Variants in ZNF502 observed in about 807,000 individuals in gnomAD.
ZNF502 encodes the protein zinc finger protein 502.
In ZNF502, 29 loss-of-function variants were observed where a neutral mutation model predicts 43.6. The observed-to-expected ratio is 0.67, with a 90% CI of 0.50 to 0.91. The LOEUF is 0.91. Among genes scored for constraint, ZNF502 ranks in the 40% least tolerant of loss-of-function variants. ZNF502 has a pLI of 0.00. For missense variants in ZNF502, 591 were observed against 647.2 expected (o/e 0.91, Z 0.94); for synonymous variants, 171 against 207.4 (o/e 0.82, Z 1.51).
At chr3:44,714,868 G>A (rs1704104028) in intron 1 of ZNF502, among the ~76,000 whole-genome samples, 1 of 152,216 alleles carries the variant, frequency 6.6e-6, no homozygotes, top group African/African-American at 2.4e-5. Context: ...AGCCTGTCAT[G>A]TAGGCCCACT....
rs748040556 is a variant in ZNF502 at position 44,722,526 on chromosome 3, A to G, written c.*74A>G. 49 of 1,516,344 alleles carry G rather than the reference A, an allele frequency of 3.2e-5. No individual in the cohort carries two copies. Among genetic ancestry groups the G allele is most frequent in the Non-Finnish European group, 4.2e-5 (48 of 1,136,834 alleles). The allele number at this position is 1,516,344 out of a possible 1,614,324, so 93.9% of individuals were successfully genotyped here. A position where few individuals can be genotyped will look rare whatever the true frequency, so the allele number is the denominator to read the frequency against. On this transcript the variant is annotated 3_prime_UTR_variant, in exon 3 of 3. Transcript: ENST00000436624. The stretch of plus-strand genomic sequence containing the variant: ...TCTGACTGGGAGTAGAGGGGCAGGT[A>G]GAGTTCCTGGAGGGAAGGATGAAGG...
At position 44,722,615 on chromosome 3, in the gene ZNF502, C is replaced by A; in HGVS notation, c.*163C>A. The A allele has an allele frequency of 1.1e-6, 1 of 916,748 alleles. No homozygotes were observed. Among genetic ancestry groups the A allele is most frequent in the South Asian group, 1.9e-5 (1 of 53,678 alleles). The allele number at this position is 916,748 out of a possible 1,614,324, so 56.8% of individuals were successfully genotyped here. A position where few individuals can be genotyped will look rare whatever the true frequency, so the allele number is the denominator to read the frequency against. On this transcript the variant is annotated 3_prime_UTR_variant, in exon 3 of 3. Coordinates refer to ENST00000436624, the MANE Select transcript of ZNF502 (RefSeq NM_001134442.3). ...AATGGAGGTGGGAGCTTAGGGAATG[C>A]AGAGCCTACTTGAGGTGGGCATCTG...
chr3:44,714,054 C>G (rs1263682267), intron 1 of ZNF502, among the ~76,000 whole-genome samples: 3 of 152,210 alleles, frequency 2.0e-5, no homozygotes, highest in Admixed American at 6.5e-5. Context: ...GAGAGGAGTA[C>G]ATTTCAATGT....
At chr3:44,713,220 T>G (rs747174554) in intron 1 of ZNF502, among the ~76,000 whole-genome samples, 3 of 152,210 alleles carry the variant, frequency 2.0e-5, no homozygotes, top group Admixed American at 6.5e-5. Context: ...CAGAAATCTC[T>G]AAAGTACTGT....
In ZNF502 at chr3:44,721,056, AAGG is replaced by A. The variant is rs1704306947; in HGVS notation, c.243_245del (p.Gly82del). On this transcript the variant is annotated inframe_deletion, in exon 3 of 3. Coordinates refer to ENST00000436624, the MANE Select transcript of ZNF502 (RefSeq NM_001134442.3). ...ATTGCTGAATCATGCCTTTTCCAGG[AAGG>A]AGGTTTTGGGAGAATAACTTTCATC... The A allele has an allele frequency of 1.2e-6, 2 of 1,614,164 alleles. No individual in the cohort carries two copies. The highest frequency in any genetic ancestry group is 2.7e-5 in the African/African-American group (2 of 75,050).
At chr3:44,718,665 C>T (rs559385458) in intron 1 of ZNF502, among the ~76,000 whole-genome samples, 29 of 152,290 alleles carry the variant, frequency 1.9e-4, no homozygotes, top group African/African-American at 7.0e-4. Flanking sequence ...CCCTTTCACA[C>T]GTCTAAAGGG....
intron 1 of ZNF502, among the ~76,000 whole-genome samples, chr3:44,714,201 C>G (rs1704089985): frequency 6.6e-6 from 1 of 152,174 alleles, no homozygotes. Flanking sequence ...AGCCAGCTCT[C>G]TAATAGGTTA....
intron 1 of ZNF502, among the ~76,000 whole-genome samples, chr3:44,715,337 C>G (rs985075072): frequency 2.0e-5 from 3 of 152,082 alleles, no homozygotes; most frequent in Non-Finnish European, 1.5e-5. Context: ...CATAAGCTAT[C>G]TTTGCTAGTC....
intron 2 of ZNF502, 144 bp from the exon 3 acceptor site, chr3:44,720,729 A>T: frequency 1.1e-6 from 1 of 872,504 alleles, no homozygotes; most frequent in Non-Finnish European, 1.7e-6. Context: ...ACCAGTTACA[A>T]CTCTAACTTA....
At position 44,713,091 on chromosome 3, in the gene ZNF502, C is replaced by A. The variant is rs181232008; in HGVS notation, c.-60+351C>A. Among the ~76,000 whole-genome samples the A allele has an allele frequency of 1.5e-3, 225 of 152,328 alleles. 3 individuals carry two copies. The highest frequency in any genetic ancestry group is 4.7e-3 in the African/African-American group (197 of 41,574). On this transcript the variant is annotated intron_variant, in intron 1 of 2. Transcript: ENST00000436624. ...CCTGGGGATCAGATACCAGTTTCTT[C>A]CCCCGGCTGATCCTGTAGCTCCGAA...
intron 2 of ZNF502, 64 bp from the exon 3 acceptor site, chr3:44,720,809 T>TA: frequency 6.6e-6 from 10 of 1,526,344 alleles, no homozygotes; most frequent in Non-Finnish European, 8.8e-6. Flanking sequence ...GTTAAGGTCT[T>TA]ACAGTTTCAG....
intron 1 of ZNF502, among the ~76,000 whole-genome samples, chr3:44,713,539 C>T (rs1236233604): frequency 6.6e-6 from 1 of 152,010 alleles, no homozygotes; most frequent in African/African-American, 2.4e-5. Flanking sequence ...ATTTAATCTT[C>T]ACAACAGCGT....
chr3:44,721,190 A>G lies in ZNF502; in HGVS notation c.373A>G (p.Ser125Gly). The G allele has an allele frequency of 6.2e-7, 1 of 1,614,172 alleles. No homozygotes were observed. The highest frequency in any genetic ancestry group is 2.2e-5 in the East Asian group (1 of 44,882). Residue 125 changes from serine to glycine, a missense_variant, in exon 3 of 3, where the codon AGT (serine) becomes GGT (glycine). Transcript: ENST00000436624. ...ACGTCTCAGGGTTTCTACAGAAGAG[A>G]GTCTGCATCAGTGGGAAACAAGTAA... ...VTRLRVSTEE[S>G]LHQWETSNIQ...
chr3:44,718,683 A>G (rs1704214876), intron 1 of ZNF502, among the ~76,000 whole-genome samples: 1 of 152,084 alleles, frequency 6.6e-6, no homozygotes, highest in Non-Finnish European at 1.5e-5. Flanking sequence ...GGGGACCCAG[A>G]CTATATTAGG....
chr3:44,722,542 A>G lies in ZNF502; in HGVS notation c.*90A>G. 6.9e-7 allele frequency: 1 copy of G among 1,459,728 alleles called. No individual in the cohort carries two copies. Among genetic ancestry groups the G allele is most frequent in the South Asian group, 1.4e-5 (1 of 73,416 alleles). 90.4% of individuals were successfully genotyped at this position (1,459,728 alleles called of 1,614,324 possible). On this transcript the variant is annotated 3_prime_UTR_variant, in exon 3 of 3. Transcript: ENST00000436624. ...GGGGCAGGTAGAGTTCCTGGAGGGAAGGATGAAGGAGCCTTGGCTACTGTA... is the reference window on the plus strand; with the variant it reads ...GGGGCAGGTAGAGTTCCTGGAGGGAGGGATGAAGGAGCCTTGGCTACTGTA...
intron 1 of ZNF502, 128 bp from the exon 2 acceptor site, chr3:44,720,075 A>G: frequency 3.1e-6 from 2 of 649,692 alleles, no homozygotes; most frequent in Non-Finnish European, 5.4e-6. Flanking sequence ...ATGCTTCCAC[A>G]TTGTTATCCT....
At chr3:44,717,990 A>G (rs1433751983) in intron 1 of ZNF502, among the ~76,000 whole-genome samples, 1 of 152,098 alleles carries the variant, frequency 6.6e-6, no homozygotes, top group Non-Finnish European at 1.5e-5. Context: ...TCACTGTTGG[A>G]GTTTTCCTAG....
In ZNF502 at chr3:44,712,702, G is replaced by A. The variant is rs185946990; in HGVS notation, c.-98G>A. 2.0e-5 allele frequency: 3 copies of A among 152,434 alleles called. No individual in the cohort carries two copies. Among genetic ancestry groups the A allele is most frequent in the African/African-American group, 7.2e-5 (3 of 41,602 alleles). 9.4% of individuals were successfully genotyped at this position (152,434 alleles called of 1,614,324 possible). A position where few individuals can be genotyped will look rare whatever the true frequency, so the allele number is the denominator to read the frequency against. ...TCCTGGCCCCAGTCCACCTCTGGGA[G>A]CGCCTGCGCCGCTCCGCGGAGAGTC... On this transcript the variant is annotated 5_prime_UTR_variant, in exon 1 of 3. Transcript: ENST00000436624.
chr3:44,713,864 A>G (rs1303582651), intron 1 of ZNF502, among the ~76,000 whole-genome samples: 1 of 152,136 alleles, frequency 6.6e-6, no homozygotes, highest in African/African-American at 2.4e-5. Context: ...ATAGGCGTGA[A>G]ACACCGCGCC....
Sources: allele counts gnomAD v4.1 joint callset (sites outside exome capture counted in the v4.1 genomes callset), GRCh38; gene constraint gnomAD v4.1.1; transcripts MANE v1.5; gene names NCBI Gene and HGNC (gene_info 2026-07-23, HGNC 2026-07-21).